The following DSTYK variants were observed in gnomAD, a reference collection of about 807,000 sequenced individuals.
DSTYK encodes RIP-homologous kinase.
In DSTYK, 34 loss-of-function variants were observed where a neutral mutation model predicts 98.7. The observed-to-expected ratio is 0.34, with a 90% CI of 0.26 to 0.46. The LOEUF is 0.46. DSTYK is among the 20% of genes least tolerant of loss of function. DSTYK has a pLI of 1.00. For synonymous variants in DSTYK, 462 were observed against 457.3 expected, an observed-to-expected ratio of 1.01 and a Z score of -0.13; for missense variants, 962 against 1,181.7, an observed-to-expected ratio of 0.81 and a Z score of 2.73.
rs774595508 is a variant in DSTYK at position 205,160,095 on chromosome 1, G to C, written c.2105+19C>G. On this transcript the variant is annotated intron_variant, in intron 8 of 12. Transcript: ENST00000367162. ...TTCTCTGGATCTTTCTCATAGAGAT[G>C]AATGAGGCCAGGACCCACCTCATAT... 16 of 1,613,374 alleles carry C rather than the reference G, an allele frequency of 9.9e-6. No homozygotes were observed.
At chr1:205,195,153 T>G (rs780310774) in intron 1 of DSTYK, among the ~76,000 whole-genome samples, 24 of 152,110 alleles carry the variant, frequency 1.6e-4, no homozygotes, top group Non-Finnish European at 3.5e-4. Flanking sequence ...ACATTGAATT[T>G]TCCATGCTTT....
chr1:205,200,909 A>ATTT, intron 1 of DSTYK, among the ~76,000 whole-genome samples: 1 of 146,286 alleles, frequency 6.8e-6, no homozygotes, highest in Non-Finnish European at 1.5e-5. Flanking sequence ...TAATAATTTA[A>ATTT]TTTTTTTTTT....
At position 205,164,101 on chromosome 1, in the gene DSTYK, T is replaced by C. The variant is rs1241048942; in HGVS notation, c.1325-146A>G. On this transcript the variant is annotated intron_variant, in intron 3 of 12. Transcript: ENST00000367162. ...ATGATTCGTTGATGATGTCTAACTC[T>C]CACAATGATCAGGGGTCACGTAACC... is the stretch of plus-strand genomic sequence containing the variant. The C allele has an allele frequency of 4.1e-5, 28 of 691,300 alleles. No homozygotes were observed. The Admixed American group carries it at 7.1e-4, about 18-fold the overall frequency. 42.8% of individuals were successfully genotyped at this position (691,300 alleles called of 1,614,324 possible). A position where few individuals can be genotyped will look rare whatever the true frequency, so the allele number is the denominator to read the frequency against.
chr1:205,199,253 G>A (rs368218149), intron 1 of DSTYK, among the ~76,000 whole-genome samples: 2 of 152,208 alleles, frequency 1.3e-5, no homozygotes, highest in Non-Finnish European at 1.5e-5. Context: ...CCACAGCCAC[G>A]TGGCACACAG....
chr1:205,176,476 T>TAAAAAAAAAAAAAAA (rs61291677), intron 2 of DSTYK, among the ~76,000 whole-genome samples: 16 of 43,206 alleles, frequency 3.7e-4, no homozygotes, highest in East Asian at 8.3e-4. Context: ...AACTCCCTCT[T>TAAAAAAAAAAAAAAA]AAAAAAAAAA....
chr1:205,162,310 G>A (rs1558604629), intron 5 of DSTYK, 98 bp from the exon 6 acceptor site: 11 of 1,412,874 alleles, frequency 7.8e-6, no homozygotes, highest in Non-Finnish European at 8.6e-6. Flanking sequence ...CATTCATTAA[G>A]AGCAGGCTCA....
chr1:205,179,958 A>T (rs1405195622), intron 2 of DSTYK, among the ~76,000 whole-genome samples: 2 of 152,206 alleles, frequency 1.3e-5, no homozygotes, highest in Non-Finnish European at 2.9e-5. Flanking sequence ...TGCAGGAAAG[A>T]GGTAGAATCC....
chr1:205,165,050 T>G (rs893641943), intron 3 of DSTYK, among the ~76,000 whole-genome samples: 1 of 152,146 alleles, frequency 6.6e-6, no homozygotes, highest in Non-Finnish European at 1.5e-5. Flanking sequence ...CCTAGCATAT[T>G]AATGAGAAAA....
At chr1:205,187,881 C>T in intron 1 of DSTYK, 75 bp from the exon 2 acceptor site, 2 of 1,348,990 alleles carry the variant, frequency 1.5e-6, no homozygotes, top group Non-Finnish European at 2.0e-6. Flanking sequence ...GAGAGAGAGA[C>T]TCACGCAGAA....
intron 1 of DSTYK, among the ~76,000 whole-genome samples, chr1:205,209,344 A>C (rs1426298263): frequency 1.3e-5 from 2 of 152,202 alleles, no homozygotes; most frequent in Non-Finnish European, 2.9e-5. Flanking sequence ...TGCGGGTGAA[A>C]GTACACATTC....
At chr1:205,176,934 G>A (rs956680519) in intron 2 of DSTYK, among the ~76,000 whole-genome samples, 1 of 152,136 alleles carries the variant, frequency 6.6e-6, no homozygotes, top group African/African-American at 2.4e-5. Flanking sequence ...GCCTGGCACA[G>A]TGTCTCACGC....
chr1:205,173,980 A>G (rs1658147940), intron 2 of DSTYK, among the ~76,000 whole-genome samples: 1 of 152,090 alleles, frequency 6.6e-6, no homozygotes, highest in African/African-American at 2.4e-5. Flanking sequence ...CCAGCCTCCC[A>G]AAGTGCTGGG....
At position 205,162,103 on chromosome 1, in the gene DSTYK, C is replaced by G; in HGVS notation, c.1751G>C (p.Ser584Thr). The part of the protein sequence containing the change: ...ESLSASKLAK[S>T]ICSQFRTRLN... Reference sequence around the variant, plus strand: ...CCGAGTCCGGAATTGGCTGCAAATGCTCTTAGCCAATTTGGAGGCGCTGAG... The same window carrying G: ...CCGAGTCCGGAATTGGCTGCAAATGGTCTTAGCCAATTTGGAGGCGCTGAG... Residue 584 changes from serine to threonine, a missense_variant, in exon 6 of 13, where the codon AGC becomes ACC. Coordinates refer to ENST00000367162, the MANE Select transcript of DSTYK (RefSeq NM_015375.3). 1 of 1,614,140 alleles carries G rather than the reference C, an allele frequency of 6.2e-7. No individual in the cohort carries two copies. Among genetic ancestry groups the G allele is most frequent in the Non-Finnish European group, 8.5e-7 (1 of 1,180,022 alleles).
intron 2 of DSTYK, among the ~76,000 whole-genome samples, chr1:205,171,594 T>C (rs1050854007): frequency 8.5e-5 from 13 of 152,156 alleles, no homozygotes; most frequent in African/African-American, 3.1e-4. Flanking sequence ...AGAGCATATG[T>C]CCATCTACTG....
At position 205,142,880 on chromosome 1, in the gene DSTYK, A is replaced by C. The variant is rs974822642; in HGVS notation, c.*4678T>G. ...CAAAAGACAACAGGCTGCCCAGACC[A>C]ATTTTCTTTTCAACTATCTGGGCAA... On this transcript the variant is annotated 3_prime_UTR_variant, in exon 13 of 13. Coordinates refer to ENST00000367162, the MANE Select transcript of DSTYK (RefSeq NM_015375.3). The C allele has an allele frequency of 3.9e-5, 6 of 152,238 alleles. No homozygotes were observed. The highest frequency in any genetic ancestry group is 1.2e-4 in the African/African-American group (5 of 41,456). The allele number at this position is 152,238 out of a possible 1,614,324, so 9.4% of individuals were successfully genotyped here. A position where few individuals can be genotyped will look rare whatever the true frequency, so the allele number is the denominator to read the frequency against.
At chr1:205,202,750 C>A in intron 1 of DSTYK, 2 of 706,244 alleles carry the variant, frequency 2.8e-6, no homozygotes, top group Non-Finnish European at 5.0e-6. Flanking sequence ...GTAAATTCAG[C>A]TTTAAAGTAA....
intron 1 of DSTYK, 130 bp from the exon 2 acceptor site, chr1:205,187,936 C>T (rs1359927732): frequency 5.5e-6 from 5 of 914,930 alleles, no homozygotes; most frequent in African/African-American, 1.7e-5. Flanking sequence ...TTTCTAGGAA[C>T]CTTGGTTGAA....
At chr1:205,149,181 A>C (rs556015767) in intron 11 of DSTYK, among the ~76,000 whole-genome samples, 1 of 151,984 alleles carries the variant, frequency 6.6e-6, no homozygotes, top group South Asian at 2.1e-4. Flanking sequence ...GGATTACGAC[A>C]TGAGCCACCG....
intron 1 of DSTYK, among the ~76,000 whole-genome samples, chr1:205,192,542 A>G (rs1443694719): frequency 1.3e-5 from 2 of 151,966 alleles, no homozygotes; most frequent in African/African-American, 2.4e-5. Context: ...AATAATAATA[A>G]TAAAGATGAG....
Sources: gnomAD v4.1 joint callset for allele counts (sites outside exome capture counted in the v4.1 genomes callset) on GRCh38, gnomAD v4.1.1 for gene constraint, MANE v1.5 for transcripts, NCBI Gene and HGNC (gene_info 2026-07-23, HGNC 2026-07-21) for gene names.